Variants in CEP89 observed in about 807,000 individuals in gnomAD.
CEP89 encodes centrosomal protein 89.
In CEP89, 95 loss-of-function variants were observed where a neutral mutation model predicts 97.6. The observed-to-expected ratio is 0.97, with a 90% CI of 0.82 to 1.15. The LOEUF is 1.15. Ranked by LOEUF, CEP89 falls within the 50% of genes most tolerant of loss-of-function variation. The pLI is 0.00. For missense variants in CEP89, 869 were observed against 947.7 expected, an observed-to-expected ratio of 0.92 and a Z score of 1.09; for synonymous variants, 354 against 349.1, an observed-to-expected ratio of 1.01 and a Z score of -0.16.
At chr19:32,946,305 T>A (rs1373998711) in intron 5 of CEP89, among the ~76,000 whole-genome samples, 1 of 151,988 alleles carries the variant, frequency 6.6e-6, no homozygotes, top group African/African-American at 2.4e-5. Flanking sequence ...TATAGTAAAT[T>A]TTCCCTCTTC....
At chr19:32,906,024 T>A (rs1969880426) in intron 14 of CEP89, among the ~76,000 whole-genome samples, 1 of 152,220 alleles carries the variant, frequency 6.6e-6, no homozygotes, top group Non-Finnish European at 1.5e-5. Flanking sequence ...AGATCTACCA[T>A]GTCTATTTTG....
chr19:32,967,981 G>A (rs1971319562), intron 1 of CEP89, among the ~76,000 whole-genome samples: 1 of 152,262 alleles, frequency 6.6e-6, no homozygotes, highest in South Asian at 2.1e-4. Flanking sequence ...TGGTCAGCAC[G>A]AGACACAAGG....
At chr19:32,968,244 T>C (rs1018498025) in intron 1 of CEP89, among the ~76,000 whole-genome samples, 1 of 152,052 alleles carries the variant, frequency 6.6e-6, no homozygotes, top group African/African-American at 2.4e-5. Context: ...CGACAAGAAA[T>C]GGTTTTTGTT....
chr19:32,935,523 ACAT>A (rs1370610763), intron 7 of CEP89, among the ~76,000 whole-genome samples: 1 of 152,232 alleles, frequency 6.6e-6, no homozygotes, highest in African/African-American at 2.4e-5. Context: ...CGCAGGATAC[ACAT>A]CATGAAAAAT....
intron 3 of CEP89, among the ~76,000 whole-genome samples, chr19:32,954,024 G>A (rs1217689265): frequency 2.0e-5 from 3 of 151,716 alleles, no homozygotes; most frequent in Admixed American, 6.6e-5. Flanking sequence ...GCCCACCACC[G>A]CGCCTGGCTA....
intron 4 of CEP89, among the ~76,000 whole-genome samples, chr19:32,949,000 T>C (rs1052388953): frequency 3.3e-5 from 5 of 152,116 alleles, no homozygotes; most frequent in Admixed American, 2.6e-4. Context: ...AATGCAGGGA[T>C]TACAGATGAC....
chr19:32,897,913 C>T (rs1969677674), intron 16 of CEP89, among the ~76,000 whole-genome samples: 1 of 152,164 alleles, frequency 6.6e-6, no homozygotes, highest in Non-Finnish European at 1.5e-5. Flanking sequence ...GAAAAGGGAA[C>T]TTTCATACAC....
At chr19:32,905,329 G>A (rs189698554) in intron 14 of CEP89, among the ~76,000 whole-genome samples, 202 of 152,236 alleles carry the variant, frequency 1.3e-3, no homozygotes, top group Non-Finnish European at 2.6e-3. Context: ...TATGATCACT[G>A]TTGGGTTTTG....
intron 4 of CEP89, 43 bp downstream of exon 4, chr19:32,953,572 T>G (rs753238336): frequency 2.3e-5 from 34 of 1,485,704 alleles, no homozygotes; most frequent in Non-Finnish European, 2.9e-5. Context: ...AAAGTTAACA[T>G]CAGGGTGAAT....
chr19:32,894,076 T>TA (rs1328610355), intron 16 of CEP89, among the ~76,000 whole-genome samples: 13 of 152,196 alleles, frequency 8.5e-5, no homozygotes, highest in African/African-American at 3.1e-4. Context: ...AACGTTCTTA[T>TA]AGTCCCAGTG....
chr19:32,950,333 C>T (rs999743889), intron 4 of CEP89, among the ~76,000 whole-genome samples: 3 of 152,050 alleles, frequency 2.0e-5, no homozygotes, highest in Admixed American at 1.3e-4. Flanking sequence ...CTAAGGCAGG[C>T]GGATCACCTG....
chr19:32,887,852 G>C lies in CEP89; in HGVS notation c.1876-11C>G. 6.6e-7 allele frequency: 1 copy of C among 1,526,274 alleles called. No homozygotes were observed. Among genetic ancestry groups the C allele is most frequent in the South Asian group, 1.1e-5 (1 of 87,358 alleles). 94.5% of individuals were successfully genotyped at this position (1,526,274 alleles called of 1,614,324 possible). ...TTCTAAACATTTTGCCTAGGGAGAA[G>C]GGTGATAAATGGGCTCTCAGTTTTA... On this transcript the variant is annotated splice_polypyrimidine_tract_variant and intron_variant, in intron 16 of 18. Transcript: ENST00000305768.
At chr19:32,922,808 G>A (rs1037028408) in intron 12 of CEP89, among the ~76,000 whole-genome samples, 30 of 150,598 alleles carry the variant, frequency 2.0e-4, no homozygotes, top group African/African-American at 6.6e-4. Flanking sequence ...AGATCACACC[G>A]TTGCACTCCA....
intron 14 of CEP89, among the ~76,000 whole-genome samples, chr19:32,910,302 G>A (rs202185727): frequency 3.1e-4 from 28 of 89,528 alleles, no homozygotes; most frequent in East Asian, 8.7e-4. Context: ...AGAGAGAGAG[G>A]GAGGGAGGGA....
chr19:32,953,577 G>A (rs756929621), intron 4 of CEP89, 38 bp downstream of exon 4: 20 of 1,517,926 alleles, frequency 1.3e-5, no homozygotes, highest in Non-Finnish European at 1.8e-5. Flanking sequence ...TAACATCAGG[G>A]TGAATGTCAA....
chr19:32,939,814 T>C, intron 6 of CEP89, 43 bp downstream of exon 6: 1 of 902,770 alleles, frequency 1.1e-6, no homozygotes, highest in Non-Finnish European at 1.7e-6. Context: ...TGATAAAAAC[T>C]CTATTTATTG....
chr19:32,892,242 T>C (rs1969543811), intron 16 of CEP89, among the ~76,000 whole-genome samples: 1 of 132,334 alleles, frequency 7.6e-6, no homozygotes, highest in East Asian at 2.2e-4. Flanking sequence ...TATATATATA[T>C]GTCTAGTTAC....
At chr19:32,915,876 G>A (rs140240536) in intron 13 of CEP89, among the ~76,000 whole-genome samples, 6 of 146,276 alleles carry the variant, frequency 4.1e-5, no homozygotes, top group East Asian at 4.0e-4. Flanking sequence ...CTGAGATCAC[G>A]CCACTGCACT....
Position 32,933,467 on chromosome 19 carries a change from C to T in CEP89, c.870G>A (p.Lys290=). ...KEKRKLKEAE[K]ASSQEVAAPE... ...TGTCCCCACCTTCCTGTGACGACGC[C>T]TTCTCAGCCTCTTTGAGCTTTCTCT... Residue 290 remains lysine (K), a synonymous_variant, in exon 8 of 19, where the codon AAG becomes AAA. Transcript: ENST00000305768. 2 of 1,613,844 alleles carry T rather than the reference C, an allele frequency of 1.2e-6. No homozygotes were observed. The highest frequency in any genetic ancestry group is 1.7e-6 in the Non-Finnish European group (2 of 1,179,934).
Sources: gnomAD v4.1 joint callset for allele counts (sites outside exome capture counted in the v4.1 genomes callset) on GRCh38, gnomAD v4.1.1 for gene constraint, MANE v1.5 for transcripts, NCBI Gene and HGNC (gene_info 2026-07-23, HGNC 2026-07-21) for gene names.